RSPO3: variants seen among roughly 807,000 people sequenced by gnomAD.
RSPO3 encodes the protein R-spondin 3.
A neutral mutation model predicts 36.5 loss-of-function variants in RSPO3; 17 were observed. The observed-to-expected ratio is 0.47, with a 90% CI of 0.32 to 0.70. The LOEUF is 0.70. Ranked by LOEUF, RSPO3 falls within the 30% of genes least tolerant of loss-of-function variation. RSPO3 has a pLI of 0.04. For missense variants in RSPO3, 294 were observed against 322.5 expected, an observed-to-expected ratio of 0.91 and a Z score of 0.68; for synonymous variants, 108 against 107.0, an observed-to-expected ratio of 1.01 and a Z score of -0.06.
intron 1 of RSPO3, among the ~76,000 whole-genome samples, chr6:127,141,004 T>A (rs2503106): frequency 6.6e-6 from 1 of 151,966 alleles, no homozygotes; most frequent in Non-Finnish European, 1.5e-5. Flanking sequence ...GCCTTATTCA[T>A]CTGTTTGTTG....
intron 4 of RSPO3, among the ~76,000 whole-genome samples, chr6:127,182,622 C>T (rs1027032886): frequency 2.0e-5 from 3 of 151,930 alleles, no homozygotes; most frequent in Non-Finnish European, 4.4e-5. Flanking sequence ...ACTTTCTCTT[C>T]CCATTAATTG....
intron 1 of RSPO3, among the ~76,000 whole-genome samples, chr6:127,137,320 G>A (rs1338237802): frequency 1.3e-5 from 2 of 152,120 alleles, no homozygotes; most frequent in African/African-American, 4.8e-5. Context: ...GAACCCGGGA[G>A]GCAGAGGTTG....
At chr6:127,148,618 T>C (rs1034232471) in intron 1 of RSPO3, 30 bp from the exon 2 acceptor site, 1 of 1,565,368 alleles carries the variant, frequency 6.4e-7, no homozygotes, top group Non-Finnish European at 8.7e-7. Context: ...ATTTAACCTT[T>C]GTAATGTCTT....
intron 1 of RSPO3, among the ~76,000 whole-genome samples, chr6:127,127,491 G>A (rs1159487134): frequency 6.6e-6 from 1 of 152,092 alleles, no homozygotes; most frequent in Non-Finnish European, 1.5e-5. Context: ...ACTAAAGTGA[G>A]TATTATGATA....
intron 3 of RSPO3, among the ~76,000 whole-genome samples, chr6:127,150,804 T>C (rs550719726): frequency 1.3e-5 from 2 of 151,092 alleles, no homozygotes; most frequent in Admixed American, 1.3e-4. Flanking sequence ...TTAGGGACTA[T>C]TGATAATCGT....
chr6:127,164,547 T>G (rs141539421), intron 4 of RSPO3, among the ~76,000 whole-genome samples: 114 of 152,176 alleles, frequency 7.5e-4, no homozygotes, highest in Admixed American at 1.5e-3. Context: ...ACTTTTTTTT[T>G]GGGAGTAAAC....
intron 4 of RSPO3, among the ~76,000 whole-genome samples, chr6:127,195,327 C>T (rs976845550): frequency 2.6e-5 from 4 of 152,084 alleles, no homozygotes; most frequent in Non-Finnish European, 4.4e-5. Flanking sequence ...ATCACCATGC[C>T]TCATTGATTT....
At chr6:127,139,995 T>A (rs537971977) in intron 1 of RSPO3, among the ~76,000 whole-genome samples, 2 of 152,288 alleles carry the variant, frequency 1.3e-5, no homozygotes, top group South Asian at 4.1e-4. Context: ...ACAGTTTCAA[T>A]AGCAGCATCA....
At chr6:127,186,164 C>A (rs936470134) in intron 4 of RSPO3, among the ~76,000 whole-genome samples, 13 of 152,052 alleles carry the variant, frequency 8.5e-5, no homozygotes, top group Non-Finnish European at 1.9e-4. Context: ...AAGTTATATT[C>A]CATCAAAGAT....
chr6:127,169,822 A>G (rs1412042153), intron 4 of RSPO3, among the ~76,000 whole-genome samples: 1 of 151,328 alleles, frequency 6.6e-6, no homozygotes, highest in Non-Finnish European at 1.5e-5. Context: ...ATAATATATC[A>G]CCATACTAAC....
In RSPO3 at chr6:127,135,926, CAA is replaced by C. The variant is rs5879836; in HGVS notation, c.98-12706_98-12705del. Among the ~76,000 whole-genome samples the C allele has an allele frequency of 4.1e-3, 471 of 114,932 alleles. 1 individual carries two copies. Among genetic ancestry groups the C allele is most frequent in the Middle Eastern group, 9.6e-3 (2 of 208 alleles). The allele number at this position is 114,932 out of a possible 152,430, so 75.4% of individuals were successfully genotyped here. On this transcript the variant is annotated intron_variant, in intron 1 of 4. Coordinates refer to ENST00000356698, the MANE Select transcript of RSPO3 (RefSeq NM_032784.5). ...TAAGCAACAAACTGAGACCCTGCCT[CAA>C]AAAAAAAAAAAAAAAGGCACATGTC... is the stretch of plus-strand genomic sequence containing the variant.
rs1773784179 is a variant in RSPO3, at chr6:127,119,267, C to T, written c.75C>T (p.Ser25=). The T allele has an allele frequency of 6.2e-7, 1 of 1,612,634 alleles. No homozygotes were observed. Among genetic ancestry groups the T allele is most frequent in the African/African-American group, 1.3e-5 (1 of 74,922 alleles). ...AATACATCGGCAGCCAAAACGCCTC[C>T]CGGGGAAGGCGCCAGCGAAGAAGTA... is the stretch of plus-strand genomic sequence containing the variant. ...FMEYIGSQNA[S]RGRRQRRMHP... Residue 25 remains serine, a synonymous_variant, in exon 1 of 5, where the codon TCC becomes TCT. Coordinates refer to ENST00000356698, the MANE Select transcript of RSPO3 (RefSeq NM_032784.5).
chr6:127,147,903 T>G (rs1208137704), intron 1 of RSPO3, among the ~76,000 whole-genome samples: 1 of 152,110 alleles, frequency 6.6e-6, no homozygotes, highest in African/African-American at 2.4e-5. Flanking sequence ...CCATAAGTAG[T>G]CATATATGAT....
In RSPO3 at chr6:127,195,749, T is replaced by C. The variant is rs1028379197; in HGVS notation, c.635-74T>C. On this transcript the variant is annotated intron_variant, in intron 4 of 4. Coordinates refer to ENST00000356698, the MANE Select transcript of RSPO3 (RefSeq NM_032784.5). ...ATATATAATCTAAGAGAAATTTAAG[T>C]CATTTTTTAAAATGTAATTAAAAAA... 1.7e-5 allele frequency: 18 copies of C among 1,031,642 alleles called. 1 individual carries two copies. Among genetic ancestry groups the C allele is most frequent in the East Asian group, 8.0e-5 (3 of 37,412 alleles). The allele number at this position is 1,031,642 out of a possible 1,614,324, so 63.9% of individuals were successfully genotyped here. A position where few individuals can be genotyped will look rare whatever the true frequency, so the allele number is the denominator to read the frequency against.
At chr6:127,136,868 G>C (rs1774168736) in intron 1 of RSPO3, among the ~76,000 whole-genome samples, 1 of 152,126 alleles carries the variant, frequency 6.6e-6, no homozygotes, top group Non-Finnish European at 1.5e-5. Context: ...TTATAGATGA[G>C]AGTCTTACTA....
rs6909771 is a variant in RSPO3 at position 127,197,235 on chromosome 6, T to G, written c.*1228T>G. 1,229 of 653,172 alleles carry G rather than the reference T, an allele frequency of 1.9e-3. 10 individuals carry two copies. The highest frequency in any genetic ancestry group is 0.017 in the African/African-American group (945 of 54,918). 40.5% of individuals were successfully genotyped at this position (653,172 alleles called of 1,614,324 possible). ...CAATGGAGATTTACTTATAGCGTAT[T>G]AGGAGATATTTATTCCATTTTCTTA... On this transcript the variant is annotated 3_prime_UTR_variant, in exon 5 of 5. Coordinates refer to ENST00000356698, the MANE Select transcript of RSPO3 (RefSeq NM_032784.5).
chr6:127,171,967 AAGTT>A (rs1774946103), intron 4 of RSPO3, among the ~76,000 whole-genome samples: 1 of 151,444 alleles, frequency 6.6e-6, no homozygotes, highest in Non-Finnish European at 1.5e-5. Flanking sequence ...AATTTTTTAA[AAGTT>A]AGTTAAGACC....
intron 4 of RSPO3, among the ~76,000 whole-genome samples, chr6:127,171,620 G>A (rs1472277283): frequency 1.3e-5 from 2 of 151,628 alleles, no homozygotes; most frequent in Non-Finnish European, 3.0e-5. Flanking sequence ...TTTAACACAC[G>A]ACACTGTATC....
chr6:127,180,281 A>G (rs1775154222), intron 4 of RSPO3, among the ~76,000 whole-genome samples: 1 of 151,622 alleles, frequency 6.6e-6, no homozygotes, highest in Non-Finnish European at 1.5e-5. Context: ...GTGACTGAGC[A>G]AAGGCAAATT....
Sources: allele counts gnomAD v4.1 joint callset (sites outside exome capture counted in the v4.1 genomes callset), GRCh38; gene constraint gnomAD v4.1.1; transcripts MANE v1.5; gene names NCBI Gene and HGNC (gene_info 2026-07-23, HGNC 2026-07-21).